TEC: variants seen among roughly 807,000 people sequenced by gnomAD.
TEC encodes the protein tec protein tyrosine kinase, also known as tyrosine-protein kinase Tec.
Under a neutral mutation model 93.0 loss-of-function variants are expected in TEC, and 72 were observed. The observed-to-expected ratio is 0.77, with a 90% CI of 0.64 to 0.94. TEC has a LOEUF of 0.94. Ranked by LOEUF, TEC falls within the 40% of genes least tolerant of loss-of-function variation. TEC has a pLI of 0.00. For synonymous variants in TEC, 249 were observed against 247.7 expected, an observed-to-expected ratio of 1.01 and a Z score of -0.05; for missense variants, 630 against 757.9, an observed-to-expected ratio of 0.83 and a Z score of 1.98.
At chr4:48,201,974 T>TTTTTTA (rs1722534587) in intron 2 of TEC, among the ~76,000 whole-genome samples, 4 of 140,532 alleles carry the variant, frequency 2.8e-5, no homozygotes, top group East Asian at 2.0e-4. Flanking sequence ...TTTTTTTTTT[T>TTTTTTA]GAGACAGAGT....
At position 48,192,492 on chromosome 4, in the gene TEC, G is replaced by A. The variant is rs185127244; in HGVS notation, c.139-16306C>T. Among the ~76,000 whole-genome samples the A allele has an allele frequency of 7.9e-5, 12 of 152,142 alleles. 1 individual carries two copies. Among genetic ancestry groups the A allele is most frequent in the Admixed American group, 5.2e-4 (8 of 15,276 alleles). ...TCATCAAATAATGCAATTTAAATAC[G>A]TGCAGTCATTGGAGCATACCTGTAT... is the stretch of plus-strand genomic sequence containing the variant. On this transcript the variant is annotated intron_variant, in intron 2 of 17. Transcript: ENST00000381501.
intron 1 of TEC, among the ~76,000 whole-genome samples, chr4:48,251,808 G>A (rs1724209514): frequency 6.6e-6 from 1 of 152,206 alleles, no homozygotes; most frequent in Admixed American, 6.5e-5. Context: ...GACTGCAAAA[G>A]GGGAGGAGGA....
chr4:48,244,526 T>C lies in TEC; in HGVS notation c.-45-15867A>G, dbSNP rs150578142. 1.6e-3 allele frequency among the ~76,000 whole-genome samples: 242 copies of C among 152,288 alleles called. 8 individuals carry two copies. The East Asian group carries it at 0.045, about 28-fold the overall frequency. On this transcript the variant is annotated intron_variant, in intron 1 of 17. Transcript: ENST00000381501. ...CATGATTCAATTACTTCCCACTGGG[T>C]CCCTCCCACAACACGTGGGAATTCA...
At chr4:48,250,012 T>C (rs1012497587) in intron 1 of TEC, among the ~76,000 whole-genome samples, 1 of 152,236 alleles carries the variant, frequency 6.6e-6, no homozygotes, top group Non-Finnish European at 1.5e-5. Context: ...GAGCCATCTA[T>C]AGGCTGATAA....
At chr4:48,172,180 A>C (rs923391732) in intron 3 of TEC, among the ~76,000 whole-genome samples, 3 of 152,308 alleles carry the variant, frequency 2.0e-5, no homozygotes, top group Non-Finnish European at 4.4e-5. Context: ...TCTTATTTTT[A>C]ACATTTCTAA....
intron 17 of TEC, among the ~76,000 whole-genome samples, chr4:48,138,325 TA>T (rs778634744): frequency 6.6e-6 from 1 of 152,012 alleles, no homozygotes; most frequent in Admixed American, 6.6e-5. Flanking sequence ...CCAACTCTGG[TA>T]AAAAAATAAT....
intron 15 of TEC, among the ~76,000 whole-genome samples, 167 bp downstream of exon 15, chr4:48,141,188 A>T (rs1719645489): frequency 6.6e-6 from 1 of 152,170 alleles, no homozygotes; most frequent in African/African-American, 2.4e-5. Context: ...AGGCTATACT[A>T]CCACCTAGTG....
At chr4:48,186,162 A>C (rs956862043) in intron 2 of TEC, among the ~76,000 whole-genome samples, 3 of 152,160 alleles carry the variant, frequency 2.0e-5, no homozygotes, top group Admixed American at 6.5e-5. Flanking sequence ...CTAGGTGCTC[A>C]ACGTTGCCCA....
chr4:48,192,975 GCCTGGCACCTGGCAA>G (rs1397876588), intron 2 of TEC, among the ~76,000 whole-genome samples: 2 of 152,130 alleles, frequency 1.3e-5, no homozygotes, highest in African/African-American at 4.8e-5. Flanking sequence ...CTGCAGCAGA[GCCTGGCACCTGGCAA>G]CCTGGCACCT....
chr4:48,220,827 T>C (rs967899608), intron 2 of TEC, among the ~76,000 whole-genome samples: 2 of 152,168 alleles, frequency 1.3e-5, no homozygotes, highest in African/African-American at 4.8e-5. Flanking sequence ...CACACACCAA[T>C]TGAGTGTCCT....
In TEC at chr4:48,268,530, C is replaced by T. The variant is rs192063151; in HGVS notation, c.-46+1222G>A. ...TTTCAAATACATAATGTGAAAGTTA[C>T]CCATACTTCTATTTTCCCCTTAGAA... On this transcript the variant is annotated intron_variant, in intron 1 of 17. Coordinates refer to ENST00000381501, the MANE Select transcript of TEC (RefSeq NM_003215.3). Among the ~76,000 whole-genome samples, 370 of 152,322 alleles carry T rather than the reference C, an allele frequency of 2.4e-3. 7 individuals are homozygous for T. Among genetic ancestry groups the T allele is most frequent in the Middle Eastern group, 3.4e-3 (1 of 294 alleles).
chr4:48,206,309 A>G (rs1405763829), intron 2 of TEC, among the ~76,000 whole-genome samples: 1 of 152,196 alleles, frequency 6.6e-6, no homozygotes, highest in Non-Finnish European at 1.5e-5. Flanking sequence ...ACACTCTAAA[A>G]TGGTTACAAG....
In TEC at chr4:48,176,121, A is replaced by G. The variant is rs764456927; in HGVS notation, c.204T>C (p.Asp68=). Residue 68 remains aspartate (D), a synonymous_variant, in exon 3 of 18, where the codon GAT becomes GAC. Coordinates refer to ENST00000381501, the MANE Select transcript of TEC (RefSeq NM_003215.3). ...TATTTTGACAGGGAATGACACCATC[A>G]TCATTCTTCACTATTTCCACACACT... ...KIKCVEIVKN[D]DGVIPCQNKY... 23 of 1,613,714 alleles carry G rather than the reference A, an allele frequency of 1.4e-5. No individual in the cohort carries two copies. In the African/African-American group the frequency reaches 2.5e-4, roughly 18 times the overall value.
intron 1 of TEC, among the ~76,000 whole-genome samples, chr4:48,265,428 C>A (rs1724608783): frequency 9.0e-6 from 1 of 111,258 alleles, no homozygotes; most frequent in Non-Finnish European, 1.9e-5. Flanking sequence ...CATATATATA[C>A]ACACACACAT....
At chr4:48,244,778 T>C (rs1724010204) in intron 1 of TEC, among the ~76,000 whole-genome samples, 1 of 152,190 alleles carries the variant, frequency 6.6e-6, no homozygotes, top group Non-Finnish European at 1.5e-5. Context: ...TCAAAGAGCC[T>C]TCCCCTGCAA....
intron 2 of TEC, among the ~76,000 whole-genome samples, chr4:48,179,604 G>T (rs1462290134): frequency 6.6e-6 from 1 of 151,450 alleles, no homozygotes; most frequent in African/African-American, 2.4e-5. Context: ...GGCCGGGCTG[G>T]TCTCAAACTC....
At chr4:48,177,641 T>C (rs935745339) in intron 2 of TEC, among the ~76,000 whole-genome samples, 2 of 152,140 alleles carry the variant, frequency 1.3e-5, no homozygotes, top group Non-Finnish European at 2.9e-5. Flanking sequence ...ATGCACACAC[T>C]AGAACCCCAC....
intron 9 of TEC, among the ~76,000 whole-genome samples, chr4:48,153,749 A>G (rs1220642903): frequency 6.6e-6 from 1 of 152,150 alleles, no homozygotes; most frequent in Non-Finnish European, 1.5e-5. Context: ...GGGTGATGGT[A>G]TTTCCCTAGC....
At chr4:48,176,524 C>T (rs1721333189) in intron 2 of TEC, among the ~76,000 whole-genome samples, 1 of 152,074 alleles carries the variant, frequency 6.6e-6, no homozygotes, top group African/African-American at 2.4e-5. Context: ...AGTTCGAGAC[C>T]AGCCTGGCCA....
Sources: gnomAD v4.1 joint callset for allele counts (sites outside exome capture counted in the v4.1 genomes callset) on GRCh38, gnomAD v4.1.1 for gene constraint, MANE v1.5 for transcripts, NCBI Gene and HGNC (gene_info 2026-07-23, HGNC 2026-07-21) for gene names.